Variants in CCDC171 observed in about 807,000 individuals in gnomAD.
CCDC171 encodes coiled-coil domain containing 171.
A neutral mutation model predicts 168.2 loss-of-function variants in CCDC171; 177 were observed. The ratio of observed to expected loss-of-function variants is 1.05; its 90% CI spans 0.93 to 1.19. The LOEUF (loss-of-function observed/expected upper bound fraction) is 1.19, where lower values mean the gene tolerates loss of function less well. CCDC171 is among the 50% of genes most tolerant of loss of function. The probability of loss-of-function intolerance (pLI) is 0.00; values close to 1 mark genes in which losing one functional copy is unlikely to be tolerated. For missense variants in CCDC171, 1,991 were observed against 1,539.0 expected (o/e 1.29, Z -4.91); for synonymous variants, 687 against 540.8 (o/e 1.27, Z -3.75).
At chr9:16,032,997 G>A (rs1050970020) in intron 6 of CCDC171, among the ~76,000 whole-genome samples, 1 of 152,132 alleles carries the variant, frequency 6.6e-6, no homozygotes, top group African/African-American at 2.4e-5. Flanking sequence ...CTGGTTTAGC[G>A]TGGGTCACAT....
intron 6 of CCDC171, among the ~76,000 whole-genome samples, chr9:15,609,670 G>C (rs1188634426): frequency 2.0e-5 from 3 of 152,068 alleles, no homozygotes; most frequent in Non-Finnish European, 4.4e-5. Context: ...TGGGTACTCT[G>C]TTCTGTTTCA....
rs757180042 is a variant in CCDC171, at chr9:15,602,628, ATTTCTTTTTTTTTTT to A, written c.675+8475_675+8489del. Among the ~76,000 whole-genome samples the A allele has an allele frequency of 3.8e-3, 69 of 18,238 alleles. 2 individuals carry two copies. The highest frequency in any genetic ancestry group is 9.7e-3 in the African/African-American group (54 of 5,560). 12.0% of individuals were successfully genotyped at this position (18,238 alleles called of 152,430 possible). On this transcript the variant is annotated intron_variant, in intron 6 of 25. Transcript: ENST00000380701. Reference sequence around the variant, plus strand: ...ACCTCATTTTAAGATAGTGTTTCTCATTTCTTTTTTTTTTTTTTCTTTTTTTTTTTTTTTTTTTTT... The same window carrying A: ...ACCTCATTTTAAGATAGTGTTTCTCATTTCTTTTTTTTTTTTTTTTTTTTT...
At chr9:16,003,769 G>C (rs776116428) in intron 3 of CCDC171, among the ~76,000 whole-genome samples, 4 of 152,140 alleles carry the variant, frequency 2.6e-5, no homozygotes, top group South Asian at 4.1e-4. Flanking sequence ...ACCATTAAGA[G>C]GTATTATATG....
the CCDC171 span, among the ~76,000 whole-genome samples, chr9:16,093,628 C>T: frequency 6.6e-6 from 1 of 152,194 alleles, no homozygotes; most frequent in South Asian, 2.1e-4. Flanking sequence ...ATGTTGCCCA[C>T]TGTTTCCCTT....
intron 18 of CCDC171, among the ~76,000 whole-genome samples, chr9:15,760,149 A>G (rs1026977639): frequency 6.6e-6 from 1 of 152,154 alleles, no homozygotes; most frequent in Non-Finnish European, 1.5e-5. Context: ...AACTTGCTAA[A>G]AATTTAAGCC....
intron 6 of CCDC171, among the ~76,000 whole-genome samples, chr9:15,605,150 G>A (rs2043127790): frequency 6.6e-6 from 1 of 152,150 alleles, no homozygotes; most frequent in Admixed American, 6.5e-5. Context: ...TTCTGCCTCA[G>A]TCTCCCAAAG....
intron 7 of CCDC171, among the ~76,000 whole-genome samples, chr9:15,629,789 T>G (rs917353080): frequency 3.3e-5 from 5 of 152,154 alleles, no homozygotes; most frequent in South Asian, 2.1e-4. Context: ...AAGGTTGGGT[T>G]ACCCACAAAG....
chr9:15,741,848 C>T (rs979304704), intron 16 of CCDC171, among the ~76,000 whole-genome samples: 1 of 152,058 alleles, frequency 6.6e-6, no homozygotes, highest in African/African-American at 2.4e-5. Flanking sequence ...TTGCATTGCT[C>T]CGGAACTTGG....
intron 3 of CCDC171, among the ~76,000 whole-genome samples, chr9:15,575,135 G>A (rs1328655767): frequency 6.6e-6 from 1 of 150,808 alleles, no homozygotes; most frequent in Non-Finnish European, 1.5e-5. Context: ...AAGAGAGAGG[G>A]TAAAGGAGAG....
chr9:15,662,070 A>C (rs2048359885), intron 8 of CCDC171, among the ~76,000 whole-genome samples: 1 of 152,206 alleles, frequency 6.6e-6, no homozygotes, highest in Non-Finnish European at 1.5e-5. Flanking sequence ...TGAGGCCAGG[A>C]GTTCCAGACC....
At chr9:16,027,106 T>C (rs1369817850) in intron 6 of CCDC171, among the ~76,000 whole-genome samples, 1 of 152,214 alleles carries the variant, frequency 6.6e-6, no homozygotes, top group Non-Finnish European at 1.5e-5. Flanking sequence ...AGTAAACAGA[T>C]GTCCCGGAGT....
At chr9:15,653,429 A>G (rs1361179967) in intron 7 of CCDC171, among the ~76,000 whole-genome samples, 1 of 152,096 alleles carries the variant, frequency 6.6e-6, no homozygotes, top group African/African-American at 2.4e-5. Flanking sequence ...AGTGTGAGCC[A>G]CTGTGCCTGG....
chr9:15,746,830 G>C (rs912581126), intron 18 of CCDC171, among the ~76,000 whole-genome samples: 2 of 152,204 alleles, frequency 1.3e-5, no homozygotes, highest in Non-Finnish European at 2.9e-5. Flanking sequence ...GGGGTCAGGG[G>C]ATTTTCGTTT....
At chr9:15,906,453 C>T (rs1011912774) in intron 24 of CCDC171, among the ~76,000 whole-genome samples, 1 of 152,276 alleles carries the variant, frequency 6.6e-6, no homozygotes, top group East Asian at 1.9e-4. Context: ...GCAGAAAAGG[C>T]CTTTGACAAA....
chr9:15,843,566 C>T (rs1158290698), intron 21 of CCDC171, among the ~76,000 whole-genome samples: 1 of 151,964 alleles, frequency 6.6e-6, no homozygotes, highest in African/African-American at 2.4e-5. Flanking sequence ...CTGAAGTGAC[C>T]TTTCTCAGAC....
chr9:15,743,435 C>T (rs1406673309), intron 16 of CCDC171, among the ~76,000 whole-genome samples: 53 of 151,940 alleles, frequency 3.5e-4, no homozygotes, highest in Non-Finnish European at 4.4e-5. Context: ...GCCTCCCAAA[C>T]ACTGGGATTA....
At chr9:16,084,363 C>T in the CCDC171 span, among the ~76,000 whole-genome samples, 2 of 152,136 alleles carry the variant, frequency 1.3e-5, no homozygotes, top group Non-Finnish European at 2.9e-5. Flanking sequence ...TAACTTGCTA[C>T]CTTTCTTGTG....
chr9:15,684,669 A>T (rs927621462), intron 10 of CCDC171, among the ~76,000 whole-genome samples: 1 of 152,194 alleles, frequency 6.6e-6, no homozygotes, highest in African/African-American at 2.4e-5. Flanking sequence ...ACAAAAAAGA[A>T]TGACATGTTA....
At chr9:15,887,312 G>C (rs1819563726) in intron 24 of CCDC171, among the ~76,000 whole-genome samples, 1 of 152,106 alleles carries the variant, frequency 6.6e-6, no homozygotes, top group Non-Finnish European at 1.5e-5. Context: ...GTGAAATGTA[G>C]AGTAATTTTA....
Sources: gnomAD v4.1 joint callset for allele counts (sites outside exome capture counted in the v4.1 genomes callset) on GRCh38, gnomAD v4.1.1 for gene constraint, MANE v1.5 for transcripts, NCBI Gene and HGNC (gene_info 2026-07-23, HGNC 2026-07-21) for gene names.